The following SCHIP1 variants were observed in gnomAD, a reference collection of about 807,000 sequenced individuals.
The protein encoded by SCHIP1 is schwannomin-interacting protein 1.
Under a neutral mutation model 29.7 loss-of-function variants are expected in SCHIP1, and 8 were observed. The observed-to-expected ratio is 0.27, with a 90% CI of 0.16 to 0.49. The LOEUF is 0.49. SCHIP1 is among the 20% of genes least tolerant of loss of function. The pLI, the probability that SCHIP1 is intolerant of heterozygous loss-of-function variation, is 0.99. For missense variants in SCHIP1, 193 were observed against 294.6 expected, an observed-to-expected ratio of 0.66 and a Z score of 2.52; for synonymous variants, 76 against 94.9, an observed-to-expected ratio of 0.80 and a Z score of 1.16.
chr3:159,757,963 C>T, the SCHIP1 span, among the ~76,000 whole-genome samples: 1 of 152,172 alleles, frequency 6.6e-6, no homozygotes, highest in South Asian at 2.1e-4. Context: ...AAGTAGAAGG[C>T]ATGCGGTTTT....
the SCHIP1 span, among the ~76,000 whole-genome samples, chr3:159,674,803 A>T: frequency 6.6e-6 from 1 of 152,146 alleles, no homozygotes; most frequent in Non-Finnish European, 1.5e-5. Context: ...CCCACTGGGC[A>T]CACCTCTTGA....
At chr3:159,660,493 A>G in the SCHIP1 span, among the ~76,000 whole-genome samples, 1 of 151,968 alleles carries the variant, frequency 6.6e-6, no homozygotes, top group Non-Finnish European at 1.5e-5. Context: ...GTGTGTGTAT[A>G]TATATATACA....
At chr3:159,311,173 A>T in the SCHIP1 span, among the ~76,000 whole-genome samples, 10 of 152,156 alleles carry the variant, frequency 6.6e-5, no homozygotes, top group Non-Finnish European at 1.2e-4. Flanking sequence ...TAGTCATTAG[A>T]GCTTCCTTTT....
chr3:159,480,381 C>T, the SCHIP1 span, among the ~76,000 whole-genome samples: 1 of 152,152 alleles, frequency 6.6e-6, no homozygotes, highest in African/African-American at 2.4e-5. Context: ...GTAGTTGTTC[C>T]ACATGTTCCC....
At chr3:159,400,634 C>G in the SCHIP1 span, among the ~76,000 whole-genome samples, 3 of 152,176 alleles carry the variant, frequency 2.0e-5, no homozygotes, top group Non-Finnish European at 4.4e-5. Flanking sequence ...GTGAATGAGT[C>G]TGACTGTGGT....
At chr3:159,713,983 T>G in the SCHIP1 span, among the ~76,000 whole-genome samples, 1 of 152,214 alleles carries the variant, frequency 6.6e-6, no homozygotes, top group Admixed American at 6.5e-5. Context: ...ATGCCTGTAA[T>G]CCCAACACTT....
the SCHIP1 span, among the ~76,000 whole-genome samples, chr3:159,820,535 TTCAG>T: frequency 6.6e-6 from 1 of 152,218 alleles, no homozygotes; most frequent in Non-Finnish European, 1.5e-5. Flanking sequence ...ATATTTAACT[TTCAG>T]TCTGTCTGAA....
the SCHIP1 span, among the ~76,000 whole-genome samples, chr3:159,623,350 T>C: frequency 6.6e-6 from 1 of 152,134 alleles, no homozygotes; most frequent in Admixed American, 6.5e-5. Flanking sequence ...TAATGTTGTT[T>C]GAATAACAAG....
At chr3:159,426,433 G>GCT in the SCHIP1 span, among the ~76,000 whole-genome samples, 113 of 152,274 alleles carry the variant, frequency 7.4e-4, no homozygotes, top group Non-Finnish European at 1.4e-3. Context: ...AGAAAATCTA[G>GCT]AAGAAATGGA....
chr3:159,545,714 ATATAT>A, the SCHIP1 span, among the ~76,000 whole-genome samples: 7 of 147,450 alleles, frequency 4.7e-5, no homozygotes, highest in African/African-American at 7.5e-5. Flanking sequence ...CTTTTGTACA[ATATAT>A]TATATATTAT....
chr3:159,327,044 T>G, the SCHIP1 span, among the ~76,000 whole-genome samples: 2 of 152,220 alleles, frequency 1.3e-5, no homozygotes, highest in African/African-American at 4.8e-5. Flanking sequence ...AAATGTGATT[T>G]ATAATCATGA....
the SCHIP1 span, among the ~76,000 whole-genome samples, chr3:159,727,439 T>TA: frequency 2.6e-5 from 4 of 152,224 alleles, no homozygotes; most frequent in African/African-American, 9.6e-5. Flanking sequence ...CAGCATGTTG[T>TA]AGACTGTCAA....
chr3:159,295,894 T>C, the SCHIP1 span, among the ~76,000 whole-genome samples: 1 of 152,198 alleles, frequency 6.6e-6, no homozygotes, highest in Non-Finnish European at 1.5e-5. Context: ...TTTCTTAATG[T>C]ATAATTAATA....
chr3:159,577,192 T>C, the SCHIP1 span, among the ~76,000 whole-genome samples: 2 of 152,288 alleles, frequency 1.3e-5, no homozygotes, highest in Non-Finnish European at 2.9e-5. Context: ...TGCTCTGCCC[T>C]ACTTTAGCTA....
the SCHIP1 span, among the ~76,000 whole-genome samples, chr3:159,686,683 A>G: frequency 6.6e-6 from 1 of 152,238 alleles, no homozygotes; most frequent in Non-Finnish European, 1.5e-5. Flanking sequence ...AACTAAAAAC[A>G]TAATAATCCA....
At chr3:159,590,405 A>G in the SCHIP1 span, among the ~76,000 whole-genome samples, 1 of 152,002 alleles carries the variant, frequency 6.6e-6, no homozygotes, top group Non-Finnish European at 1.5e-5. Context: ...GTGAAACCCC[A>G]TTTCTGCTAA....
chr3:159,392,357 T>G, the SCHIP1 span, among the ~76,000 whole-genome samples: 1 of 152,078 alleles, frequency 6.6e-6, no homozygotes, highest in South Asian at 2.1e-4. Flanking sequence ...CATGTGCACA[T>G]TGTGCAGGTT....
chr3:159,864,196 G>A (rs998983359), intron 1 of SCHIP1, among the ~76,000 whole-genome samples: 2 of 152,156 alleles, frequency 1.3e-5, no homozygotes, highest in African/African-American at 4.8e-5. Flanking sequence ...AAGGTGTCAA[G>A]TGATGTGATT....
the SCHIP1 span, among the ~76,000 whole-genome samples, chr3:159,388,649 C>T: frequency 6.6e-6 from 1 of 151,994 alleles, no homozygotes; most frequent in Non-Finnish European, 1.5e-5. Context: ...GGACACTTGC[C>T]TTTCCAAATA....
Sources: allele counts gnomAD v4.1 joint callset (sites outside exome capture counted in the v4.1 genomes callset), GRCh38; gene constraint gnomAD v4.1.1; transcripts MANE v1.5; gene names NCBI Gene and HGNC (gene_info 2026-07-23, HGNC 2026-07-21).